UNC5A: variants seen among roughly 807,000 people sequenced by gnomAD.
UNC5A encodes the protein netrin receptor UNC5A.
In UNC5A, 20 loss-of-function variants were observed where a neutral mutation model predicts 87.4. The ratio of observed to expected loss-of-function variants is 0.23; its 90% CI spans 0.16 to 0.33. The LOEUF is 0.33. UNC5A is among the 10% of genes least tolerant of loss of function. The pLI, the probability that UNC5A is intolerant of heterozygous loss-of-function variation, is 1.00. For synonymous variants in UNC5A, 438 were observed against 482.3 expected, an observed-to-expected ratio of 0.91 and a Z score of 1.20; for missense variants, 844 against 1,133.4, an observed-to-expected ratio of 0.74 and a Z score of 3.67.
chr5:176,861,974 G>GTAA (rs1230604272), intron 1 of UNC5A, among the ~76,000 whole-genome samples: 1 of 152,240 alleles, frequency 6.6e-6, no homozygotes, highest in Non-Finnish European at 1.5e-5. Flanking sequence ...AATTACCTGT[G>GTAA]TAATTAGCAA....
In UNC5A at chr5:176,877,268, G is replaced by A. The variant is rs779076146; in HGVS notation, c.1455G>A (p.Pro485=). 78 of 1,612,224 alleles carry A rather than the reference G, an allele frequency of 4.8e-5. 1 individual carries two copies. The highest frequency in any genetic ancestry group is 4.5e-4 in the South Asian group (41 of 91,074). Residue 485 remains proline (P), a synonymous_variant, in exon 9 of 15, where the codon CCG becomes CCA. Coordinates refer to ENST00000329542, the MANE Select transcript of UNC5A (RefSeq NM_133369.3). The part of the protein sequence containing the change: ...IYEIYLTLHK[P]EDVRLPLAGC... ...AGATCTACCTCACGCTGCACAAGCC[G>A]GAAGACGTGAGGTGTGGCCGCGGGC...
At chr5:176,830,142 T>C (rs554846535) in intron 1 of UNC5A, among the ~76,000 whole-genome samples, 75 of 152,294 alleles carry the variant, frequency 4.9e-4, no homozygotes, top group African/African-American at 1.8e-3. Flanking sequence ...CCTCTCTGGG[T>C]GCCATGAGAA....
intron 1 of UNC5A, among the ~76,000 whole-genome samples, chr5:176,855,680 C>T (rs1450203819): frequency 6.6e-6 from 1 of 152,232 alleles, no homozygotes; most frequent in Non-Finnish European, 1.5e-5. Context: ...GCACAAGTGG[C>T]ACGTCATCCT....
chr5:176,862,245 G>A (rs904847802), intron 1 of UNC5A, among the ~76,000 whole-genome samples: 5 of 152,184 alleles, frequency 3.3e-5, no homozygotes, highest in Non-Finnish European at 5.9e-5. Context: ...CAGCTCACCT[G>A]CCTGGCCAGG....
rs138614523 is a variant in UNC5A, at chr5:176,825,599, G to T, written c.70+14779G>T. ...TTTCAGGGAGAAACTTGGGAAAGGGGGGCGAGGGCAGGACAAGCATACTTG... is the reference window on the plus strand; with the variant it reads ...TTTCAGGGAGAAACTTGGGAAAGGGTGGCGAGGGCAGGACAAGCATACTTG... On this transcript the variant is annotated intron_variant, in intron 1 of 14. Transcript: ENST00000329542. Among the ~76,000 whole-genome samples the T allele has an allele frequency of 2.7e-3, 406 of 152,280 alleles. 1 individual carries two copies. The highest frequency in any genetic ancestry group is 9.2e-3 in the African/African-American group (381 of 41,560).
chr5:176,820,454 G>A (rs1756700902), intron 1 of UNC5A, among the ~76,000 whole-genome samples: 1 of 152,208 alleles, frequency 6.6e-6, no homozygotes, highest in Non-Finnish European at 1.5e-5. Flanking sequence ...CCATTCAGCA[G>A]GTTTTGCCTG....
In UNC5A at chr5:176,859,331, A is replaced by G. The variant is rs809546; in HGVS notation, c.71-3293A>G. Among the ~76,000 whole-genome samples, 24 of 30,934 alleles carry G rather than the reference A, an allele frequency of 7.8e-4. 4 individuals are homozygous for G. Among genetic ancestry groups the G allele is most frequent in the Admixed American group, 2.1e-3 (7 of 3,306 alleles). 20.3% of individuals were successfully genotyped at this position (30,934 alleles called of 152,430 possible). The stretch of plus-strand genomic sequence containing the variant: ...CTAGAATGCCCTTGCTAGAGGGCAT[A>G]GCTGCTAGAATGCCCTTGCTAGAGG... On this transcript the variant is annotated intron_variant, in intron 1 of 14. Coordinates refer to ENST00000329542, the MANE Select transcript of UNC5A (RefSeq NM_133369.3).
Position 176,880,095 on chromosome 5 carries a change from C to T in UNC5A, c.*209C>T, listed in dbSNP as rs946723347. 4.7e-6 allele frequency: 3 copies of T among 641,426 alleles called. No homozygotes were observed. Among genetic ancestry groups the T allele is most frequent in the African/African-American group, 3.7e-5 (2 of 54,618 alleles). The allele number at this position is 641,426 out of a possible 1,614,324, so 39.7% of individuals were successfully genotyped here. On this transcript the variant is annotated 3_prime_UTR_variant, in exon 15 of 15. Transcript: ENST00000329542. Reference sequence around the variant, plus strand: ...GCCTAGCCAGGCTGGCACTGCCACTCACACTCGGCCCCAGGGCCCAGGAGG... The same window carrying T: ...GCCTAGCCAGGCTGGCACTGCCACTTACACTCGGCCCCAGGGCCCAGGAGG...
intron 1 of UNC5A, among the ~76,000 whole-genome samples, chr5:176,861,205 C>T (rs568184060): frequency 6.6e-6 from 1 of 152,330 alleles, no homozygotes; most frequent in Non-Finnish European, 1.5e-5. Context: ...CACGCAGAAC[C>T]GTGGGGGTAC....
chr5:176,825,693 A>G (rs1756834348), intron 1 of UNC5A, among the ~76,000 whole-genome samples: 1 of 152,180 alleles, frequency 6.6e-6, no homozygotes, highest in Non-Finnish European at 1.5e-5. Flanking sequence ...ACGTGCCCAC[A>G]TCCCACAGCT....
chr5:176,864,878 C>T, intron 2 of UNC5A: 1 of 455,434 alleles, frequency 2.2e-6, no homozygotes, highest in South Asian at 1.6e-5. Flanking sequence ...CAACACCTCC[C>T]AGGACCAGAG....
chr5:176,844,091 T>C lies in UNC5A; in HGVS notation c.71-18533T>C, dbSNP rs1757343815. Reference sequence around the variant, plus strand: ...CGGGGAGGACGAGGAGGAGGGGCCCTGAGACATGGAAACGAGTGGAGGGCT... The same window carrying C: ...CGGGGAGGACGAGGAGGAGGGGCCCCGAGACATGGAAACGAGTGGAGGGCT... On this transcript the variant is annotated intron_variant, in intron 1 of 14. Coordinates refer to ENST00000329542, the MANE Select transcript of UNC5A (RefSeq NM_133369.3). This position sits in a 1 kb window ranked among gnomAD's most constrained non-coding sequence, Gnocchi z 4.2. Among the ~76,000 whole-genome samples the C allele has an allele frequency of 6.6e-6, 1 of 152,216 alleles. No homozygotes were observed. The highest frequency in any genetic ancestry group is 1.5e-5 in the Non-Finnish European group (1 of 68,038).
chr5:176,873,842 T>G (rs1405516991), intron 6 of UNC5A, 126 bp from the exon 7 acceptor site: 1 of 949,216 alleles, frequency 1.1e-6, no homozygotes, highest in East Asian at 2.5e-5. Context: ...GCCACAAGCG[T>G]CTGCTCCCTA....
rs571384790 is a variant in UNC5A, at chr5:176,869,415, G to A, written c.721+451G>A. Reference sequence around the variant, plus strand: ...TACCCCGAGTGCCCCCTGGGAGAAGGGAAGACTGTGGCGTGCGTGCTGCAG... The same window carrying A: ...TACCCCGAGTGCCCCCTGGGAGAAGAGAAGACTGTGGCGTGCGTGCTGCAG... On this transcript the variant is annotated intron_variant, in intron 5 of 14. Coordinates refer to ENST00000329542, the MANE Select transcript of UNC5A (RefSeq NM_133369.3). The surrounding 1 kb of genome is among the most constrained non-coding windows in gnomAD (Gnocchi z 9.1). 6.6e-6 allele frequency among the ~76,000 whole-genome samples: 1 copy of A among 152,248 alleles called. No homozygotes were observed. The highest frequency in any genetic ancestry group is 2.4e-5 in the African/African-American group (1 of 41,540).
intron 1 of UNC5A, among the ~76,000 whole-genome samples, chr5:176,858,592 GA>G (rs1480449788): frequency 6.6e-6 from 1 of 152,018 alleles, no homozygotes; most frequent in African/African-American, 2.4e-5. Flanking sequence ...GAGTGGTGGG[GA>G]CTACGGCAAA....
chr5:176,856,980 G>C (rs1757682245), intron 1 of UNC5A, among the ~76,000 whole-genome samples: 1 of 152,186 alleles, frequency 6.6e-6, no homozygotes, highest in African/African-American at 2.4e-5. Context: ...CCTCAAACAA[G>C]CCCAGCTGCC....
At chr5:176,856,611 G>A (rs547601597) in intron 1 of UNC5A, among the ~76,000 whole-genome samples, 2 of 152,316 alleles carry the variant, frequency 1.3e-5, no homozygotes, top group South Asian at 4.1e-4. Context: ...TGGAGCAGGT[G>A]CTTTGAGTGA....
rs1396753722 is a variant in UNC5A, at chr5:176,868,264, C to T, written c.427C>T (p.Arg143Cys). 1.2e-6 allele frequency: 2 copies of T among 1,613,412 alleles called. No individual in the cohort carries two copies. Among genetic ancestry groups the T allele is most frequent in the Non-Finnish European group, 8.5e-7 (1 of 1,179,906 alleles). ...CACCAAGAGTCAGAAGGCCTACATCCGCATAGCCTGTGAGTCTAGGGCTGG... is the reference window on the plus strand; with the variant it reads ...CACCAAGAGTCAGAAGGCCTACATCTGCATAGCCTGTGAGTCTAGGGCTGG... ...GTTKSQKAYI[R>C]IAYLRKNFEQ... Residue 143 changes from arginine to cysteine, a missense_variant, in exon 3 of 15, where the codon CGC becomes TGC. By Grantham distance (180) the Arg-to-Cys change is radical (BLOSUM62 -3). Transcript: ENST00000329542.
Position 176,875,996 on chromosome 5 carries a change from G to A in UNC5A, c.1379-1196G>A, listed in dbSNP as rs1027359781. Among the ~76,000 whole-genome samples the A allele has an allele frequency of 1.8e-4, 27 of 152,362 alleles. No homozygotes were observed. The highest frequency in any genetic ancestry group is 8.5e-4 in the Admixed American group (13 of 15,314). ...GAGACGCAGGCGAACAGTGGGGCCCGGCAGCCCTTGCTCTTCGCTCCCCAG... is the reference window on the plus strand; with the variant it reads ...GAGACGCAGGCGAACAGTGGGGCCCAGCAGCCCTTGCTCTTCGCTCCCCAG... On this transcript the variant is annotated intron_variant, in intron 8 of 14. Coordinates refer to ENST00000329542, the MANE Select transcript of UNC5A (RefSeq NM_133369.3). The surrounding 1 kb of genome is among the most constrained non-coding windows in gnomAD (Gnocchi z 5.2).
Sources: allele counts gnomAD v4.1 joint callset (sites outside exome capture counted in the v4.1 genomes callset), GRCh38; gene constraint gnomAD v4.1.1; non-coding constraint Gnocchi (gnomAD v3.1); transcripts MANE v1.5; gene names NCBI Gene and HGNC (gene_info 2026-07-23, HGNC 2026-07-21).